The following MSH3 variants were observed in gnomAD, a reference collection of about 807,000 sequenced individuals.
MSH3 encodes the protein DNA mismatch repair protein Msh3.
MSH3 carries 106 observed loss-of-function variants against 123.3 expected under a neutral mutation model. The observed-to-expected ratio is 0.86, with a 90% CI of 0.73 to 1.01. MSH3 has a LOEUF of 1.01. Among genes scored for constraint, MSH3 ranks in the 50% least tolerant of loss-of-function variants. The probability of loss-of-function intolerance (pLI) is 0.00; values close to 1 mark genes in which losing one functional copy is unlikely to be tolerated. For synonymous variants in MSH3, 515 were observed against 481.4 expected (o/e 1.07, Z -0.91); for missense variants, 1,459 against 1,347.6 (o/e 1.08, Z -1.29).
rs3797882 is a variant in MSH3, at chr5:80,697,063, A to G, written c.1340+17970A>G. On this transcript the variant is annotated intron_variant, in intron 8 of 23. Transcript: ENST00000265081. ...TAACAATCTAAGCATACAAAAATTT[A>G]TAGGAAAATTTTGCCAGCTCTCCAT... is the stretch of plus-strand genomic sequence containing the variant. 2.2e-4 allele frequency among the ~76,000 whole-genome samples: 34 copies of G among 152,352 alleles called. No homozygotes were observed. The East Asian group carries it at 5.4e-3, about 24-fold the overall frequency.
intron 12 of MSH3, among the ~76,000 whole-genome samples, chr5:80,758,416 A>G (rs1743968361): frequency 6.6e-6 from 1 of 152,158 alleles, no homozygotes; most frequent in Admixed American, 6.5e-5. Flanking sequence ...GAATTCTTGT[A>G]CTAACACCAA....
intron 13 of MSH3, among the ~76,000 whole-genome samples, chr5:80,766,592 C>G (rs1230818424): frequency 6.6e-6 from 1 of 152,086 alleles, no homozygotes; most frequent in East Asian, 1.9e-4. Flanking sequence ...ATCTGCCCGC[C>G]TCAGCCTCCC....
At position 80,837,622 on chromosome 5, in the gene MSH3, A is replaced by C. The variant is rs149453324; in HGVS notation, c.2814-16508A>C. Among the ~76,000 whole-genome samples the C allele has an allele frequency of 1.5e-3, 230 of 152,308 alleles. 1 individual carries two copies. The highest frequency in any genetic ancestry group is 5.5e-3 in the African/African-American group (227 of 41,574). The stretch of plus-strand genomic sequence containing the variant: ...CTGGGGACTGGATATTGCATCTTAA[A>C]GGGGCAAGGAAAATGAAAGAAAATG... On this transcript the variant is annotated intron_variant, in intron 20 of 23. Transcript: ENST00000265081.
intron 15 of MSH3, among the ~76,000 whole-genome samples, chr5:80,774,683 C>T (rs1037941708): frequency 2.0e-5 from 3 of 152,030 alleles, no homozygotes; most frequent in African/African-American, 7.2e-5. Context: ...TTATGGAGGT[C>T]ATTATGTTAA....
chr5:80,728,482 T>A (rs973339260), intron 9 of MSH3, among the ~76,000 whole-genome samples: 21 of 152,216 alleles, frequency 1.4e-4, no homozygotes, highest in Non-Finnish European at 2.4e-4. Flanking sequence ...AGTTTTTTTT[T>A]AATACTCCAA....
chr5:80,792,993 A>T (rs780041532), intron 19 of MSH3, 149 bp downstream of exon 19: 3 of 621,874 alleles, frequency 4.8e-6, no homozygotes, highest in Non-Finnish European at 8.7e-6. Flanking sequence ...TTACCACGAA[A>T]TGTGGAATTG....
At chr5:80,745,588 A>G (rs1367821846) in intron 12 of MSH3, among the ~76,000 whole-genome samples, 2 of 152,230 alleles carry the variant, frequency 1.3e-5, no homozygotes, top group Non-Finnish European at 2.9e-5. Context: ...ATTATCCTGA[A>G]TAGTTATACC....
intron 16 of MSH3, 132 bp downstream of exon 16, chr5:80,775,890 C>CTTT: frequency 6.1e-5 from 32 of 524,446 alleles, no homozygotes; most frequent in Middle Eastern, 4.4e-4. Flanking sequence ...TCTGATGGAA[C>CTTT]TTTTTTTTTT....
At chr5:80,769,289 G>C (rs1308582615) in intron 15 of MSH3, among the ~76,000 whole-genome samples, 1 of 151,944 alleles carries the variant, frequency 6.6e-6, no homozygotes, top group East Asian at 1.9e-4. Context: ...ACAACTTATA[G>C]AATTCATTTG....
chr5:80,785,040 A>G (rs1181497745), intron 17 of MSH3, among the ~76,000 whole-genome samples: 1 of 152,182 alleles, frequency 6.6e-6, no homozygotes, highest in Non-Finnish European at 1.5e-5. Flanking sequence ...AAAAGTCATA[A>G]TGATTATATA....
At chr5:80,699,140 A>G (rs747364416) in intron 8 of MSH3, among the ~76,000 whole-genome samples, 1 of 152,162 alleles carries the variant, frequency 6.6e-6, no homozygotes, top group African/African-American at 2.4e-5. Flanking sequence ...CTCACACATA[A>G]TAGGTGCTTA....
chr5:80,748,938 A>G (rs1743774998), intron 12 of MSH3, among the ~76,000 whole-genome samples: 1 of 152,124 alleles, frequency 6.6e-6, no homozygotes, highest in African/African-American at 2.4e-5. Context: ...GAGGTATTCC[A>G]CTTTCAGTAG....
intron 15 of MSH3, among the ~76,000 whole-genome samples, chr5:80,771,921 T>C (rs529234703): frequency 6.6e-6 from 1 of 152,324 alleles, no homozygotes; most frequent in Non-Finnish European, 1.5e-5. Context: ...AGAAACTTTA[T>C]ATTTTTATGT....
chr5:80,873,969 C>G (rs1418215609), intron 23 of MSH3, among the ~76,000 whole-genome samples: 1 of 152,046 alleles, frequency 6.6e-6, no homozygotes, highest in Non-Finnish European at 1.5e-5. Context: ...TCTAAAACAA[C>G]ATAAGCTCCC....
intron 8 of MSH3, among the ~76,000 whole-genome samples, chr5:80,693,542 T>TGTATGTGTTTAGATAAATATAC (rs1255140094): frequency 1.1e-3 from 124 of 114,776 alleles, no homozygotes; most frequent in Non-Finnish European, 1.4e-3. Flanking sequence ...TATAAATATA[T>TGTATGTGTTTAGATAAATATAC]ATGCACATGT....
chr5:80,706,208 G>A (rs1311459051), intron 8 of MSH3, among the ~76,000 whole-genome samples: 1 of 152,140 alleles, frequency 6.6e-6, no homozygotes, highest in Non-Finnish European at 1.5e-5. Flanking sequence ...TATTTCTAGA[G>A]AAAAATGTTA....
intron 8 of MSH3, among the ~76,000 whole-genome samples, chr5:80,720,376 A>C (rs541684652): frequency 2.0e-5 from 3 of 152,074 alleles, no homozygotes; most frequent in Non-Finnish European, 4.4e-5. Context: ...TACACGTTTT[A>C]GGTCTTCTTT....
intron 13 of MSH3, among the ~76,000 whole-genome samples, chr5:80,765,324 T>C (rs1032301502): frequency 1.3e-5 from 2 of 152,238 alleles, no homozygotes; most frequent in African/African-American, 4.8e-5. Context: ...AAGGTATCAT[T>C]AATTGACTAG....
chr5:80,805,593 C>CTTTT lies in MSH3; in HGVS notation c.2656-7975_2656-7972dup, dbSNP rs34689496. Among the ~76,000 whole-genome samples the CTTTT allele has an allele frequency of 2.8e-4, 29 of 104,490 alleles. 1 individual carries two copies. The highest frequency in any genetic ancestry group is 9.9e-4 in the African/African-American group (28 of 28,264). 68.5% of individuals were successfully genotyped at this position (104,490 alleles called of 152,430 possible). ...TCAATATGATGCCCCCCCCCCCTAC[C>CTTTT]TTTTTTTTTTTTTTTTTTTGAGATG... On this transcript the variant is annotated intron_variant, in intron 19 of 23. Coordinates refer to ENST00000265081, the MANE Select transcript of MSH3 (RefSeq NM_002439.5).
Sources: allele counts gnomAD v4.1 joint callset (sites outside exome capture counted in the v4.1 genomes callset), GRCh38; gene constraint gnomAD v4.1.1; transcripts MANE v1.5; gene names NCBI Gene and HGNC (gene_info 2026-07-23, HGNC 2026-07-21).